RBPMS2: variants seen among roughly 807,000 people sequenced by gnomAD.
The protein encoded by RBPMS2 is RNA-binding protein with multiple splicing 2.
In RBPMS2, 14 loss-of-function variants were observed where a neutral mutation model predicts 25.7. The observed-to-expected ratio is 0.55, with a 90% CI of 0.36 to 0.85. The LOEUF (loss-of-function observed/expected upper bound fraction) is 0.85, where lower values mean the gene tolerates loss of function less well. Ranked by LOEUF, RBPMS2 falls within the 40% of genes least tolerant of loss-of-function variation. The pLI is 0.01. For missense variants in RBPMS2, 252 were observed against 283.4 expected, an observed-to-expected ratio of 0.89 and a Z score of 0.80; for synonymous variants, 127 against 115.6, an observed-to-expected ratio of 1.10 and a Z score of -0.63.
chr15:64,771,143 C>A (rs539200956), intron 1 of RBPMS2, among the ~76,000 whole-genome samples: 2 of 152,372 alleles, frequency 1.3e-5, no homozygotes, highest in Non-Finnish European at 2.9e-5. Flanking sequence ...CTCCCCCTTC[C>A]AGGGGTGCCC....
chr15:64,768,420 C>T (rs1460803769), intron 1 of RBPMS2, among the ~76,000 whole-genome samples: 1 of 152,048 alleles, frequency 6.6e-6, no homozygotes, highest in African/African-American at 2.4e-5. Flanking sequence ...AGACGGATCA[C>T]CTAAGGTCAG....
intron 6 of RBPMS2, among the ~76,000 whole-genome samples, chr15:64,744,789 G>GTTTTTTTTTTTT (rs1567062867): frequency 1.6e-5 from 1 of 61,602 alleles, no homozygotes; most frequent in African/African-American, 6.1e-5. Context: ...AGTTTTTTTG[G>GTTTTTTTTTTTT]TTTGTTTTGT....
intron 3 of RBPMS2, 113 bp downstream of exon 3, chr15:64,750,230 C>T (rs555513225): frequency 7.7e-5 from 71 of 925,178 alleles, no homozygotes; most frequent in African/African-American, 7.4e-4. Context: ...CAACAGGGAG[C>T]GCAAGTCTGT....
chr15:64,768,681 T>A (rs1423455261), intron 1 of RBPMS2, among the ~76,000 whole-genome samples: 1 of 150,224 alleles, frequency 6.7e-6, no homozygotes, highest in African/African-American at 2.5e-5. Flanking sequence ...CTGGTAGTCC[T>A]ACCTACTAGG....
Position 64,748,378 on chromosome 15 carries a change from G to C in RBPMS2, c.567+41C>G, listed in dbSNP as rs766717604. 6 of 1,600,860 alleles carry C rather than the reference G, an allele frequency of 3.7e-6. No individual in the cohort carries two copies. In the East Asian group the frequency reaches 9.0e-5, roughly 24 times the overall value. On this transcript the variant is annotated intron_variant, in intron 6 of 7. Transcript: ENST00000300069. Reference sequence around the variant, plus strand: ...GCACATGCAAAGTCTGGCCAGCTAAGAGCCCTTGTTCTTCGCCCTCCCCAA... The same window carrying C: ...GCACATGCAAAGTCTGGCCAGCTAACAGCCCTTGTTCTTCGCCCTCCCCAA...
At chr15:64,744,611 TAC>T (rs2083596962) in intron 6 of RBPMS2, among the ~76,000 whole-genome samples, 2 of 124,430 alleles carry the variant, frequency 1.6e-5, no homozygotes, top group South Asian at 4.9e-4. Flanking sequence ...TGCCCAGAAG[TAC>T]ACACAAGGAT....
chr15:64,750,425 T>G (rs1165255988), intron 2 of RBPMS2, 44 bp from the exon 3 acceptor site: 5 of 1,572,380 alleles, frequency 3.2e-6, no homozygotes, highest in Non-Finnish European at 3.5e-6. Context: ...CAGAAGCGTA[T>G]GTTGTGCTAG....
chr15:64,747,621 A>C (rs2083630443), intron 6 of RBPMS2, among the ~76,000 whole-genome samples: 1 of 152,144 alleles, frequency 6.6e-6, no homozygotes, highest in Non-Finnish European at 1.5e-5. Context: ...GCTCCCCGAC[A>C]CACGCACAGT....
intron 6 of RBPMS2, 102 bp from the exon 7 acceptor site, chr15:64,741,344 G>T: frequency 1.1e-6 from 1 of 882,222 alleles, no homozygotes; most frequent in Non-Finnish European, 1.8e-6. Flanking sequence ...TCCTGGTTCT[G>T]TCACTGATTG....
At chr15:64,752,928 A>G (rs950709691) in intron 1 of RBPMS2, among the ~76,000 whole-genome samples, 11 of 151,996 alleles carry the variant, frequency 7.2e-5, no homozygotes, top group African/African-American at 2.7e-4. Context: ...GTGAATTTTG[A>G]GCATTGCCCC....
intron 6 of RBPMS2, among the ~76,000 whole-genome samples, chr15:64,741,992 C>T (rs1023275360): frequency 6.6e-6 from 1 of 152,122 alleles, no homozygotes; most frequent in Non-Finnish European, 1.5e-5. Flanking sequence ...ATGGAGAAAC[C>T]CCATCTCTAC....
intron 1 of RBPMS2, among the ~76,000 whole-genome samples, chr15:64,757,975 A>G (rs572500723): frequency 1.3e-5 from 2 of 152,214 alleles, no homozygotes; most frequent in African/African-American, 4.8e-5. Flanking sequence ...GCAAGACCCT[A>G]CCTCTAAAAA....
chr15:64,763,162 C>T (rs1384579765), intron 1 of RBPMS2, among the ~76,000 whole-genome samples: 1 of 152,054 alleles, frequency 6.6e-6, no homozygotes, highest in Non-Finnish European at 1.5e-5. Flanking sequence ...GAAAGAAGGC[C>T]CTCTGAGTAT....
intron 6 of RBPMS2, among the ~76,000 whole-genome samples, chr15:64,747,657 C>CT (rs560056603): frequency 2.2e-4 from 33 of 152,324 alleles, no homozygotes; most frequent in African/African-American, 7.9e-4. Context: ...CTGCAGAGTG[C>CT]TCCAGTGACC....
intron 2 of RBPMS2, among the ~76,000 whole-genome samples, chr15:64,750,872 T>C (rs1267538996): frequency 1.3e-5 from 2 of 151,122 alleles, no homozygotes; most frequent in Non-Finnish European, 2.9e-5. Context: ...ACCCCATCTC[T>C]ACTAAAAATA....
At chr15:64,762,569 C>T (rs551513592) in intron 1 of RBPMS2, 7 of 527,728 alleles carry the variant, frequency 1.3e-5, no homozygotes, top group Admixed American at 5.9e-5. Context: ...ACTCAGGGTC[C>T]AGCTCAGAAG....
At chr15:64,768,450 C>T (rs909611096) in intron 1 of RBPMS2, among the ~76,000 whole-genome samples, 2 of 152,026 alleles carry the variant, frequency 1.3e-5, no homozygotes, top group Non-Finnish European at 2.9e-5. Context: ...ACCAGCCTGC[C>T]AACATGGTGA....
chr15:64,775,363 C>G lies in RBPMS2; in HGVS notation c.-44G>C, dbSNP rs1225602279. On this transcript the variant is annotated 5_prime_UTR_variant, in exon 1 of 8. Transcript: ENST00000300069. ...GCGGGAAGGAACGCGAGGGCGAGCGCGGCGCCGGCCCCGCGGGAAGTGGGA... is the reference window on the plus strand; with the variant it reads ...GCGGGAAGGAACGCGAGGGCGAGCGGGGCGCCGGCCCCGCGGGAAGTGGGA... 7 of 1,150,426 alleles carry G rather than the reference C, an allele frequency of 6.1e-6. No individual in the cohort carries two copies. Among genetic ancestry groups the G allele is most frequent in the Middle Eastern group, 3.4e-4 (1 of 2,922 alleles). The allele number at this position is 1,150,426 out of a possible 1,614,324, so 71.3% of individuals were successfully genotyped here. A position where few individuals can be genotyped will look rare whatever the true frequency, so the allele number is the denominator to read the frequency against.
At chr15:64,758,133 A>G (rs2141068118) in intron 1 of RBPMS2, among the ~76,000 whole-genome samples, 1 of 152,350 alleles carries the variant, frequency 6.6e-6, no homozygotes, top group Admixed American at 6.5e-5. Flanking sequence ...AAAACGTTTT[A>G]AAGCATTTAA....
Sources: gnomAD v4.1 joint callset for allele counts (sites outside exome capture counted in the v4.1 genomes callset) on GRCh38, gnomAD v4.1.1 for gene constraint, MANE v1.5 for transcripts, NCBI Gene and HGNC (gene_info 2026-07-23, HGNC 2026-07-21) for gene names.